RALGAPA1: variants seen among roughly 807,000 people sequenced by gnomAD.
The protein encoded by RALGAPA1 is ral GTPase-activating protein subunit alpha-1.
In RALGAPA1, 52 loss-of-function variants were observed where a neutral mutation model predicts 269.6. That is an observed-to-expected ratio of 0.19 (90% CI 0.15 to 0.24). The LOEUF is 0.24. RALGAPA1 is among the 10% of genes least tolerant of loss of function. RALGAPA1 has a pLI of 1.00. For missense variants in RALGAPA1, 1,917 were observed against 3,013.9 expected, an observed-to-expected ratio of 0.64 and a Z score of 8.52; for synonymous variants, 817 against 1,008.3, an observed-to-expected ratio of 0.81 and a Z score of 3.60.
chr14:35,581,706 T>C (rs2057962127), intron 37 of RALGAPA1, among the ~76,000 whole-genome samples: 1 of 152,164 alleles, frequency 6.6e-6, no homozygotes, highest in South Asian at 2.1e-4. Context: ...ACTATGGCTA[T>C]AATTATTTTT....
intron 16 of RALGAPA1, among the ~76,000 whole-genome samples, chr14:35,714,833 A>AC (rs1321121982): frequency 2.0e-5 from 3 of 151,996 alleles, no homozygotes. Flanking sequence ...TCTTTGTTTT[A>AC]CCCTCCATTT....
chr14:35,618,621 C>T (rs886498393), intron 35 of RALGAPA1, among the ~76,000 whole-genome samples: 11 of 152,032 alleles, frequency 7.2e-5, no homozygotes, highest in South Asian at 2.1e-4. Flanking sequence ...TGCAATAAGA[C>T]GTGATATAAG....
chr14:35,675,495 T>A (rs995449295), intron 22 of RALGAPA1, among the ~76,000 whole-genome samples: 15 of 152,224 alleles, frequency 9.9e-5, no homozygotes, highest in Non-Finnish European at 1.9e-4. Flanking sequence ...ACATTTTAAC[T>A]AAAATTTAAA....
chr14:35,578,292 T>C (rs1594668880), intron 37 of RALGAPA1, among the ~76,000 whole-genome samples: 1 of 152,332 alleles, frequency 6.6e-6, no homozygotes, highest in African/African-American at 2.4e-5. Context: ...TAATAGCTCT[T>C]GAACTAAAAG....
At chr14:35,631,653 G>A (rs554217913) in intron 33 of RALGAPA1, among the ~76,000 whole-genome samples, 73 of 152,128 alleles carry the variant, frequency 4.8e-4, no homozygotes, top group Middle Eastern at 3.4e-3. Flanking sequence ...ATAGAAAAGA[G>A]AAGAATCCCT....
At chr14:35,646,863 C>T (rs991685490) in intron 31 of RALGAPA1, among the ~76,000 whole-genome samples, 3 of 152,164 alleles carry the variant, frequency 2.0e-5, no homozygotes, top group Non-Finnish European at 4.4e-5. Flanking sequence ...ATACTACATA[C>T]AAAGGGATAA....
At chr14:35,706,579 A>G (rs2067827484) in intron 16 of RALGAPA1, 1 of 146,168 alleles carries the variant, frequency 6.8e-6, no homozygotes, top group Non-Finnish European at 1.5e-5. Context: ...TTTTCCTTCA[A>G]TATTGTGTTG....
chr14:35,660,955 G>A (rs2063501565), intron 27 of RALGAPA1, among the ~76,000 whole-genome samples: 1 of 152,110 alleles, frequency 6.6e-6, no homozygotes, highest in Admixed American at 6.5e-5. Flanking sequence ...TAGTTAGCAG[G>A]GGCTAGGGAG....
intron 16 of RALGAPA1, chr14:35,716,203 G>T: frequency 5.6e-6 from 2 of 359,288 alleles, no homozygotes; most frequent in Non-Finnish European, 7.8e-6. Flanking sequence ...AGACCAGCCT[G>T]GTCAACATGG....
At chr14:35,687,705 T>C (rs1340387673) in intron 18 of RALGAPA1, among the ~76,000 whole-genome samples, 1 of 152,242 alleles carries the variant, frequency 6.6e-6, no homozygotes, top group Non-Finnish European at 1.5e-5. Flanking sequence ...CTTTCTGTTA[T>C]CTGTCCATAG....
intron 13 of RALGAPA1, among the ~76,000 whole-genome samples, chr14:35,725,590 T>C (rs2069821850): frequency 6.6e-6 from 1 of 152,178 alleles, no homozygotes; most frequent in South Asian, 2.1e-4. Flanking sequence ...CTTTATAATA[T>C]GTTGAGTAAC....
At position 35,664,722 on chromosome 14, in the gene RALGAPA1, A is replaced by G; in HGVS notation, c.5248T>C (p.Phe1750Leu). 2.5e-6 allele frequency: 4 copies of G among 1,613,050 alleles called. No individual in the cohort carries two copies. Among genetic ancestry groups the G allele is most frequent in the Non-Finnish European group, 3.4e-6 (4 of 1,179,608 alleles). The change falls in exon 27 of 42, where the codon TTT (phenylalanine) becomes CTT (leucine). Residue 1750 changes from phenylalanine to leucine, a missense_variant. Around this residue, in one of 11 missense-constraint regions of RALGAPA1, gnomAD observed 346 missense variants for 566.1 expected, o/e 0.61. Transcript: ENST00000680220. ...AQVLLGSLVC[F>L]PNLYCELPSL... ...GGCAGTTCACAATATAAGTTGGGAA[A>G]GCAAACCAAAGATCCCAGAAGAACT...
At chr14:35,625,105 C>T (rs192609717) in intron 35 of RALGAPA1, among the ~76,000 whole-genome samples, 1 of 130,286 alleles carries the variant, frequency 7.7e-6, no homozygotes, top group East Asian at 2.5e-4. Context: ...GAGCGGAGAT[C>T]ATGCCACTGC....
At chr14:35,650,794 A>G (rs1290576993) in intron 31 of RALGAPA1, among the ~76,000 whole-genome samples, 2 of 152,210 alleles carry the variant, frequency 1.3e-5, no homozygotes, top group African/African-American at 4.8e-5. Flanking sequence ...AAGGGAAGAG[A>G]TGAGAATAAT....
chr14:35,651,689 T>C, intron 31 of RALGAPA1, 116 bp downstream of exon 31: 3 of 884,988 alleles, frequency 3.4e-6, no homozygotes, highest in Non-Finnish European at 4.8e-6. Flanking sequence ...CACATTATAG[T>C]AGATTCTGAA....
At chr14:35,643,421 T>G (rs1015401359) in intron 31 of RALGAPA1, among the ~76,000 whole-genome samples, 1 of 152,186 alleles carries the variant, frequency 6.6e-6, no homozygotes, top group South Asian at 2.1e-4. Context: ...GGAACCCTCA[T>G]ACACTGTTGG....
intron 35 of RALGAPA1, among the ~76,000 whole-genome samples, chr14:35,606,201 G>C (rs1334333585): frequency 6.6e-6 from 1 of 152,210 alleles, no homozygotes; most frequent in Non-Finnish European, 1.5e-5. Context: ...CTTAACAACA[G>C]GGATAAATTC....
intron 12 of RALGAPA1, among the ~76,000 whole-genome samples, chr14:35,732,614 C>T (rs963002200): frequency 1.3e-5 from 2 of 152,032 alleles, no homozygotes; most frequent in African/African-American, 4.8e-5. Context: ...TTGTATCAGA[C>T]AAAACAAACT....
chr14:35,751,326 A>G (rs1479475537), intron 8 of RALGAPA1, among the ~76,000 whole-genome samples: 3 of 152,226 alleles, frequency 2.0e-5, no homozygotes, highest in African/African-American at 4.8e-5. Context: ...AATAAGACTA[A>G]CACTTGATTG....
Sources: gnomAD v4.1 joint callset for allele counts (sites outside exome capture counted in the v4.1 genomes callset) on GRCh38, gnomAD v4.1.1 for gene constraint, gnomAD v4.1.1 regional missense constraint, MANE v1.5 for transcripts, NCBI Gene and HGNC (gene_info 2026-07-23, HGNC 2026-07-21) for gene names.